The following PPID variants were observed in gnomAD, a reference collection of about 807,000 sequenced individuals.
PPID encodes peptidylprolyl isomerase D, also known as peptidyl-prolyl cis-trans isomerase D.
A neutral mutation model predicts 48.1 loss-of-function variants in PPID; 47 were observed. The observed-to-expected ratio is 0.98, with a 90% CI of 0.77 to 1.25. The LOEUF (loss-of-function observed/expected upper bound fraction) is 1.25. Ranked by LOEUF, PPID falls within the 50% of genes most tolerant of loss-of-function variation. The probability of loss-of-function intolerance (pLI) is 0.00; values close to 1 mark genes in which losing one functional copy is unlikely to be tolerated. For synonymous variants in PPID, 163 were observed against 148.8 expected (o/e 1.10, Z -0.69); for missense variants, 429 against 443.5 (o/e 0.97, Z 0.29).
chr4:158,720,977 G>A (rs1264554965), intron 2 of PPID, among the ~76,000 whole-genome samples: 1 of 152,174 alleles, frequency 6.6e-6, no homozygotes, highest in African/African-American at 2.4e-5. Flanking sequence ...GCCTCCCAAA[G>A]TGCTGGGATT....
chr4:158,723,023 G>A (rs1230656550), intron 1 of PPID, among the ~76,000 whole-genome samples, 181 bp downstream of exon 1: 2 of 152,218 alleles, frequency 1.3e-5, no homozygotes, highest in Non-Finnish European at 2.9e-5. Context: ...TTGATACAAG[G>A]GCGCTGGATC....
intron 7 of PPID, 113 bp downstream of exon 7, chr4:158,713,006 A>C: frequency 9.1e-7 from 1 of 1,104,312 alleles, no homozygotes; most frequent in Non-Finnish European, 1.3e-6. Context: ...ATGTTTTCTT[A>C]AGCCTCATTA....
chr4:158,709,956 A>G, intron 9 of PPID, 132 bp from the exon 10 acceptor site: 1 of 639,820 alleles, frequency 1.6e-6, no homozygotes, highest in Non-Finnish European at 2.7e-6. Flanking sequence ...TAGTAACAGA[A>G]AATCTGAGCA....
chr4:158,722,811 G>A (rs1287488089), intron 1 of PPID, among the ~76,000 whole-genome samples: 2 of 152,200 alleles, frequency 1.3e-5, no homozygotes, highest in Non-Finnish European at 2.9e-5. Context: ...ATCTCATGTG[G>A]CAAATATAGT....
At chr4:158,710,566 G>T in intron 9 of PPID, 62 bp downstream of exon 9, 1 of 1,540,548 alleles carries the variant, frequency 6.5e-7, no homozygotes, top group Non-Finnish European at 9.0e-7. Context: ...GTGAACAATG[G>T]TTCCTGAGGA....
intron 1 of PPID, among the ~76,000 whole-genome samples, chr4:158,721,694 C>T (rs1366451013): frequency 2.0e-5 from 3 of 152,164 alleles, no homozygotes; most frequent in Non-Finnish European, 4.4e-5. Flanking sequence ...TTTATTCCCC[C>T]TTTCTAACTG....
rs762827997 is a variant in PPID at position 158,713,260 on chromosome 4, T to A, written c.753A>T (p.Arg251Ser). The A allele has an allele frequency of 6.3e-7, 1 of 1,597,240 alleles. No homozygotes were observed. The highest frequency in any genetic ancestry group is 1.1e-5 in the South Asian group (1 of 87,794). The change falls in exon 7 of 10, where the codon AGA (arginine) becomes AGT (serine). Residue 251 changes from arginine to serine, a missense_variant and splice_region_variant. Coordinates refer to ENST00000307720, the MANE Select transcript of PPID (RefSeq NM_005038.3). ...TAACAGCCTTTGAACTGTCCACGTATCTGCAGAATGCATTAATAAAAGCAG... is the reference window on the plus strand; with the variant it reads ...TAACAGCCTTTGAACTGTCCACGTAACTGCAGAATGCATTAATAAAAGCAG... ...MAIKKYAEVL[R>S]YVDSSKAVIE...
intron 1 of PPID, among the ~76,000 whole-genome samples, chr4:158,722,623 C>A (rs1192289079): frequency 6.6e-6 from 1 of 152,222 alleles, no homozygotes; most frequent in Non-Finnish European, 1.5e-5. Flanking sequence ...AACTTCTGAG[C>A]GGCTATGTAA....
intron 7 of PPID, 77 bp downstream of exon 7, chr4:158,713,042 T>A (rs985100188): frequency 8.6e-5 from 123 of 1,430,780 alleles, no homozygotes; most frequent in Non-Finnish European, 1.1e-4. Context: ...GATATATTAA[T>A]GTATATAAAA....
In PPID at chr4:158,719,160, A is replaced by C. The variant is rs368530487; in HGVS notation, c.333+20T>G. The C allele has an allele frequency of 3.4e-6, 5 of 1,451,368 alleles. No individual in the cohort carries two copies. In the East Asian group the frequency reaches 1.1e-4, roughly 33 times the overall value. The allele number at this position is 1,451,368 out of a possible 1,614,324, so 89.9% of individuals were successfully genotyped here. A position where few individuals can be genotyped will look rare whatever the true frequency, so the allele number is the denominator to read the frequency against. Reference sequence around the variant, plus strand: ...TAACAATCTTTTTATCAGCAATAACATGCATTTTCTCTACTTTACCTTGTA... The same window carrying C: ...TAACAATCTTTTTATCAGCAATAACCTGCATTTTCTCTACTTTACCTTGTA... On this transcript the variant is annotated intron_variant, in intron 3 of 9. Coordinates refer to ENST00000307720, the MANE Select transcript of PPID (RefSeq NM_005038.3).
intron 1 of PPID, among the ~76,000 whole-genome samples, chr4:158,721,883 C>T (rs956651157): frequency 6.6e-6 from 1 of 152,034 alleles, no homozygotes. Context: ...TCAGAAGTGA[C>T]AAGATTTCAT....
At chr4:158,714,008 C>T (rs767442234) in intron 6 of PPID, among the ~76,000 whole-genome samples, 1 of 151,858 alleles carries the variant, frequency 6.6e-6, no homozygotes, top group Non-Finnish European at 1.5e-5. Context: ...ATAAAGGAGG[C>T]CTTGTTTCTA....
At chr4:158,722,654 C>G (rs1774982759) in intron 1 of PPID, among the ~76,000 whole-genome samples, 1 of 152,212 alleles carries the variant, frequency 6.6e-6, no homozygotes, top group African/African-American at 2.4e-5. Flanking sequence ...ACCATCACTA[C>G]GTTGAGCGCA....
rs778127676 is a variant in PPID, at chr4:158,721,478, G to A, written c.91C>T (p.Arg31Ter). 6.7e-5 allele frequency: 108 copies of A among 1,612,460 alleles called. No homozygotes were observed. Among genetic ancestry groups the A allele is most frequent in the Non-Finnish European group, 8.8e-5 (104 of 1,179,558 alleles). The change falls in exon 2 of 10, where the codon CGA becomes TGA. Residue 31 changes from arginine to a stop codon, truncating the protein, a stop_gained. Transcript: ENST00000307720. LOFTEE classifies it high-confidence loss of function. ...TCTGCAAACAATTCTAAGACAATTC[G>A]ACCAACTAAAAGAAAAGAAAATCTT... ...DVDIGGERVG[R>*]IVLELFADIV...
At chr4:158,711,094 G>C (rs1440290634) in intron 7 of PPID, among the ~76,000 whole-genome samples, 10 of 152,138 alleles carry the variant, frequency 6.6e-5, no homozygotes, top group Admixed American at 5.9e-4. Flanking sequence ...TCAATCTCCC[G>C]AATGGGCCTG....
chr4:158,717,177 G>C lies in PPID; in HGVS notation c.357C>G (p.Ser119Arg), dbSNP rs200244153. The C allele has an allele frequency of 1.9e-5, 30 of 1,613,830 alleles. No individual in the cohort carries two copies. Among genetic ancestry groups the C allele is most frequent in the Non-Finnish European group, 2.5e-5 (30 of 1,179,956 alleles). ...TTGTGTTGCGGCCTGCATTTGCCAT[G>C]CTCAGTAAACCCTCCCGATCATGCT... is the stretch of plus-strand genomic sequence containing the variant. The part of the protein sequence containing the change: ...HYKHDREGLL[S>R]MANAGRNTNG... The change falls in exon 4 of 10, where the codon AGC (serine) becomes AGG (arginine). Residue 119 changes from serine (S) to arginine (R), a missense_variant. Ser to Arg is a moderately radical substitution (Grantham distance 110). Coordinates refer to ENST00000307720, the MANE Select transcript of PPID (RefSeq NM_005038.3).
rs369501739 is a variant in PPID at position 158,721,423 on chromosome 4, C to G, written c.146G>C (p.Arg49Pro). 6 of 1,613,914 alleles carry G rather than the reference C, an allele frequency of 3.7e-6. No homozygotes were observed. Among genetic ancestry groups the G allele is most frequent in the South Asian group, 1.1e-5 (1 of 91,078 alleles). Residue 49 changes from arginine (R) to proline (P), a missense_variant, in exon 2 of 10, where the codon CGT (arginine) becomes CCT (proline). Arg to Pro is a moderately radical substitution (Grantham distance 103, BLOSUM62 -2). Transcript: ENST00000307720. ...GCCTTTTTCTCCTGTACACAGTGCA[C>G]GAAAATTTTCCGCAGTTTTGGGTAC... ...DIVPKTAENF[R>P]ALCTGEKGIG...
chr4:158,712,121 C>A (rs1395020636), intron 7 of PPID, among the ~76,000 whole-genome samples: 1 of 152,170 alleles, frequency 6.6e-6, no homozygotes, highest in Non-Finnish European at 1.5e-5. Flanking sequence ...AGGTGCCTGG[C>A]TTAATATGTA....
At chr4:158,715,765 GCACTGTC>G (rs1419777775) in intron 4 of PPID, 81 bp from the exon 5 acceptor site, 4 of 1,462,508 alleles carry the variant, frequency 2.7e-6, no homozygotes, top group Non-Finnish European at 3.8e-6. Flanking sequence ...GTCATGTGCA[GCACTGTC>G]CAATTCACAG....
Sources: allele counts gnomAD v4.1 joint callset (sites outside exome capture counted in the v4.1 genomes callset), GRCh38; gene constraint gnomAD v4.1.1; transcripts MANE v1.5; gene names NCBI Gene and HGNC (gene_info 2026-07-23, HGNC 2026-07-21).